PTPRN2: variants seen among roughly 807,000 people sequenced by gnomAD.
PTPRN2 encodes protein tyrosine phosphatase receptor type N2, also known as receptor-type tyrosine-protein phosphatase N2.
Under a neutral mutation model 118.8 loss-of-function variants are expected in PTPRN2, and 74 were observed. The observed-to-expected ratio is 0.62, with a 90% CI of 0.52 to 0.76. The LOEUF (loss-of-function observed/expected upper bound fraction) is 0.76. PTPRN2 is among the 30% of genes least tolerant of loss of function. The pLI is 0.00. For missense variants in PTPRN2, 1,481 were observed against 1,394.4 expected (o/e 1.06, Z -0.99); for synonymous variants, 641 against 608.0 (o/e 1.05, Z -0.80).
rs567318668 is a variant in PTPRN2 at position 157,615,797 on chromosome 7, G to T, written c.2344+5565C>A. 5.1e-4 allele frequency: 187 copies of T among 363,496 alleles called. No individual in the cohort carries two copies. The highest frequency in any genetic ancestry group is 3.6e-3 in the African/African-American group (171 of 47,128). The allele number at this position is 363,496 out of a possible 1,614,324, so 22.5% of individuals were successfully genotyped here. A position where few individuals can be genotyped will look rare whatever the true frequency, so the allele number is the denominator to read the frequency against. The stretch of plus-strand genomic sequence containing the variant: ...GATGAACACAAGGCTCGATTCTCCT[G>T]TTAAACTTGACTGTCACCAACGGGG... On this transcript the variant is annotated intron_variant, in intron 15 of 22. Transcript: ENST00000389418. The surrounding 1 kb of genome is among the most constrained non-coding windows in gnomAD (Gnocchi z 4.3).
In PTPRN2 at chr7:158,526,328, C is replaced by T. The variant is rs1277694482; in HGVS notation, c.113-36543G>A. Among the ~76,000 whole-genome samples, 1 of 152,196 alleles carries T rather than the reference C, an allele frequency of 6.6e-6. No individual in the cohort carries two copies. Among genetic ancestry groups the T allele is most frequent in the African/African-American group, 2.4e-5 (1 of 41,450 alleles). The stretch of plus-strand genomic sequence containing the variant: ...CTTCCCGGTGAGCTCGGCAGGGCTG[C>T]ATCTCTCCCGTGGGACGCTGCAGAG... On this transcript the variant is annotated intron_variant, in intron 1 of 22. Transcript: ENST00000389418. The surrounding 1 kb of genome is among the most constrained non-coding windows in gnomAD (Gnocchi z 5.2).
chr7:158,386,951 G>A (rs1006141870), intron 2 of PTPRN2, among the ~76,000 whole-genome samples: 11 of 152,166 alleles, frequency 7.2e-5, no homozygotes, highest in African/African-American at 1.4e-4. Context: ...CACACGGCCC[G>A]ATCACCCACC....
At position 158,121,444 on chromosome 7, in the gene PTPRN2, G is replaced by C. The variant is rs189964564; in HGVS notation, c.1557-10529C>G. The stretch of plus-strand genomic sequence containing the variant: ...CCCCTACAAACTGCAAACTCATTGA[G>C]GGCAGGAGCCACGTGTCATCTGAGT... On this transcript the variant is annotated intron_variant, in intron 9 of 22. Coordinates refer to ENST00000389418, the MANE Select transcript of PTPRN2 (RefSeq NM_002847.5). 2.4e-3 allele frequency among the ~76,000 whole-genome samples: 358 copies of C among 152,296 alleles called. 2 individuals carry two copies. The highest frequency in any genetic ancestry group is 0.014 in the Middle Eastern group (4 of 292).
At chr7:158,541,554 G>C (rs965465509) in intron 1 of PTPRN2, 5 of 1,351,986 alleles carry the variant, frequency 3.7e-6, no homozygotes, top group Middle Eastern at 2.1e-4. Flanking sequence ...CATCTTCATA[G>C]TAGGAAAGCT....
chr7:158,571,521 ATTTCTTT>A (rs1473874421), intron 1 of PTPRN2, among the ~76,000 whole-genome samples: 2 of 119,700 alleles, frequency 1.7e-5, no homozygotes, highest in African/African-American at 3.1e-5. Context: ...ACACACACCT[ATTTCTTT>A]TTTTTTTTTT....
chr7:158,554,517 C>T (rs1826854058), intron 1 of PTPRN2, among the ~76,000 whole-genome samples: 1 of 152,196 alleles, frequency 6.6e-6, no homozygotes, highest in Non-Finnish European at 1.5e-5. Context: ...CTCTCTCTCT[C>T]TCCCATTATT....
At chr7:157,840,456 GCGTGTGACTGTGTGGCCA>G (rs1292043037) in intron 12 of PTPRN2, among the ~76,000 whole-genome samples, 13 of 148,206 alleles carry the variant, frequency 8.8e-5, no homozygotes, top group Non-Finnish European at 1.3e-4. Context: ...CTGTGTGACC[GCGTGTGACTGTGTGGCCA>G]CGTGTGACTG....
rs1814333029 is a variant in PTPRN2, at chr7:158,093,112, GCAGGCC to G, written c.1644-11741_1644-11736del. Among the ~76,000 whole-genome samples the G allele has an allele frequency of 6.6e-6, 1 of 151,992 alleles. No individual in the cohort carries two copies. The highest frequency in any genetic ancestry group is 6.6e-5 in the Admixed American group (1 of 15,266). On this transcript the variant is annotated intron_variant, in intron 10 of 22. Coordinates refer to ENST00000389418, the MANE Select transcript of PTPRN2 (RefSeq NM_002847.5). The surrounding 1 kb of genome is among the most constrained non-coding windows in gnomAD (Gnocchi z 4.4). The stretch of plus-strand genomic sequence containing the variant: ...ACGAGTATAAGTGTGAGACCCACAC[GCAGGCC>G]TGCACCTCTGTCCTTTCCTGACTCT...
intron 2 of PTPRN2, among the ~76,000 whole-genome samples, chr7:158,326,925 TCA>T (rs1213205778): frequency 2.1e-5 from 3 of 142,704 alleles, no homozygotes; most frequent in Non-Finnish European, 3.1e-5. Flanking sequence ...TCACACGTTC[TCA>T]CATGCACACA....
intron 5 of PTPRN2, among the ~76,000 whole-genome samples, chr7:158,169,417 AGT>A (rs375257745): frequency 0.2 from 27,267 of 136,394 alleles, 2,928 homozygotes; most frequent in Non-Finnish European, 0.27. Context: ...TGCTTTTGTG[AGT>A]GTGTGTGTGT....
chr7:158,407,262 GGGT>G (rs1191283299), intron 2 of PTPRN2, among the ~76,000 whole-genome samples: 7 of 77,252 alleles, frequency 9.1e-5, no homozygotes, highest in Non-Finnish European at 1.5e-4. Flanking sequence ...CCTGGGTCCT[GGGT>G]CCTGGGTCCT....
At chr7:158,253,130 G>A (rs1485758712) in intron 3 of PTPRN2, among the ~76,000 whole-genome samples, 2 of 152,224 alleles carry the variant, frequency 1.3e-5, no homozygotes, top group Non-Finnish European at 2.9e-5. Flanking sequence ...CACTAATGCT[G>A]GGAGGACTTA....
Position 157,562,127 on chromosome 7 carries a change from G to C in PTPRN2, c.2902+6775C>G, listed in dbSNP as rs368754719. Among the ~76,000 whole-genome samples the C allele has an allele frequency of 1.5e-4, 23 of 152,332 alleles. No individual in the cohort carries two copies. The East Asian group carries it at 4.2e-3, about 28-fold the overall frequency. ...CAAAGGAGGCAGAGTGGCCCACCAA[G>C]GGGGATCGGCAGTGGCCAGGTTGCC... On this transcript the variant is annotated intron_variant, in intron 21 of 22. Transcript: ENST00000389418.
At chr7:157,792,903 G>A (rs1316781056) in intron 12 of PTPRN2, among the ~76,000 whole-genome samples, 1 of 152,200 alleles carries the variant, frequency 6.6e-6, no homozygotes, top group Non-Finnish European at 1.5e-5. Context: ...TGACCGGGCG[G>A]ATCAATCTCC....
rs567320009 is a variant in PTPRN2, at chr7:157,903,999, C to A, written c.1724-5262G>T. Among the ~76,000 whole-genome samples, 1 of 152,100 alleles carries A rather than the reference C, an allele frequency of 6.6e-6. No individual in the cohort carries two copies. The highest frequency in any genetic ancestry group is 6.5e-5 in the Admixed American group (1 of 15,276). On this transcript the variant is annotated intron_variant, in intron 11 of 22. Coordinates refer to ENST00000389418, the MANE Select transcript of PTPRN2 (RefSeq NM_002847.5). The surrounding 1 kb of genome is among the most constrained non-coding windows in gnomAD (Gnocchi z 4.2). Reference sequence around the variant, plus strand: ...GCTGTTTTGCTGCATGTCTCATGGCCGGGCCACTGTCACTTCCTAAGGAGA... The same window carrying A: ...GCTGTTTTGCTGCATGTCTCATGGCAGGGCCACTGTCACTTCCTAAGGAGA...
At chr7:158,301,737 C>G (rs559073162) in intron 3 of PTPRN2, among the ~76,000 whole-genome samples, 1 of 152,204 alleles carries the variant, frequency 6.6e-6, no homozygotes, top group Non-Finnish European at 1.5e-5. Flanking sequence ...TTGCTTGAGC[C>G]CAGGAGTTTG....
At chr7:158,285,545 C>G (rs981228328) in intron 3 of PTPRN2, among the ~76,000 whole-genome samples, 2 of 152,218 alleles carry the variant, frequency 1.3e-5, no homozygotes, top group East Asian at 1.9e-4. Context: ...TGCCTGGGTA[C>G]AGCAGGCAGC....
intron 3 of PTPRN2, among the ~76,000 whole-genome samples, chr7:158,283,930 C>G (rs140735104): frequency 7.2e-5 from 11 of 152,304 alleles, no homozygotes; most frequent in African/African-American, 2.2e-4. Flanking sequence ...AGCGTAGGAG[C>G]CTTTTCCTCA....
At chr7:158,290,071 C>T (rs1055707406) in intron 3 of PTPRN2, among the ~76,000 whole-genome samples, 1 of 152,148 alleles carries the variant, frequency 6.6e-6, no homozygotes, top group African/African-American at 2.4e-5. Context: ...AAGGGGCTGT[C>T]CTGGGGCTAA....
Sources: gnomAD v4.1 joint callset for allele counts (sites outside exome capture counted in the v4.1 genomes callset) on GRCh38, gnomAD v4.1.1 for gene constraint, Gnocchi (gnomAD v3.1) non-coding constraint, MANE v1.5 for transcripts, NCBI Gene and HGNC (gene_info 2026-07-23, HGNC 2026-07-21) for gene names.